Variants in SPATC1L observed in about 807,000 individuals in gnomAD.
The protein encoded by SPATC1L is speriolin-like protein.
Under a neutral mutation model 21.2 loss-of-function variants are expected in SPATC1L, and 20 were observed. The ratio of observed to expected loss-of-function variants is 0.94; its 90% CI spans 0.66 to 1.37. The LOEUF (loss-of-function observed/expected upper bound fraction) is 1.37. SPATC1L is among the 40% of genes most tolerant of loss of function. The pLI is 0.00. For missense variants in SPATC1L, 499 were observed against 478.7 expected (o/e 1.04, Z -0.40); for synonymous variants, 290 against 234.5 (o/e 1.24, Z -2.16).
At position 46,161,391 on chromosome 21, in the gene SPATC1L, G is replaced by A. The variant is rs758007206; in HGVS notation, c.1011C>T (p.Leu337=). The A allele has an allele frequency of 1.3e-6, 2 of 1,520,616 alleles. No individual in the cohort carries two copies. The highest frequency in any genetic ancestry group is 1.3e-5 in the South Asian group (1 of 79,498). The allele number at this position is 1,520,616 out of a possible 1,614,324, so 94.2% of individuals were successfully genotyped here. The change falls in exon 5 of 5, where the codon CTC becomes CTT. Residue 337 remains leucine, a synonymous_variant. Transcript: ENST00000291672. ...GGCGCGGGGCGGCTCACCAGGCGAA[G>A]AGGGGCTTGCCGTCCTCCTTGGAGA... ...CELSKEDGKP[L]FAW
At chr21:46,178,904 A>C (rs1334440375) in intron 2 of SPATC1L, among the ~76,000 whole-genome samples, 1 of 150,988 alleles carries the variant, frequency 6.6e-6, no homozygotes, top group Non-Finnish European at 1.5e-5. Flanking sequence ...AACAAACAAA[A>C]AACCATTTAC....
chr21:46,175,968 T>C (rs886795365), intron 2 of SPATC1L, among the ~76,000 whole-genome samples: 3 of 152,158 alleles, frequency 2.0e-5, no homozygotes, highest in African/African-American at 7.2e-5. Flanking sequence ...CACAATCAAA[T>C]AGGTTTTATC....
intron 2 of SPATC1L, among the ~76,000 whole-genome samples, chr21:46,180,242 G>A (rs943038448): frequency 6.6e-6 from 1 of 152,196 alleles, no homozygotes; most frequent in Non-Finnish European, 1.5e-5. Flanking sequence ...GGGGAATGCC[G>A]CGAAATGGAT....
intron 3 of SPATC1L, among the ~76,000 whole-genome samples, chr21:46,164,807 A>G (rs1360140171): frequency 6.6e-6 from 1 of 151,576 alleles, no homozygotes; most frequent in Non-Finnish European, 1.5e-5. Context: ...AAAAAAAAAA[A>G]AAAAGAATCA....
chr21:46,173,462 T>C (rs1395578221), intron 2 of SPATC1L, among the ~76,000 whole-genome samples: 2 of 151,930 alleles, frequency 1.3e-5, no homozygotes, highest in East Asian at 3.9e-4. Context: ...TGGGTTTTGA[T>C]TTCCTTCCCC....
intron 2 of SPATC1L, among the ~76,000 whole-genome samples, chr21:46,174,038 A>C (rs2079611496): frequency 6.6e-6 from 1 of 152,192 alleles, no homozygotes. Context: ...CCTCAAGGTC[A>C]TCAAACAGAC....
intron 2 of SPATC1L, among the ~76,000 whole-genome samples, chr21:46,170,373 G>T (rs2079577441): frequency 8.0e-6 from 1 of 124,954 alleles, no homozygotes; most frequent in Non-Finnish European, 1.6e-5. Context: ...CTCCTGCTCT[G>T]TGAGCATCCT....
chr21:46,170,652 A>G (rs368202046), intron 2 of SPATC1L, among the ~76,000 whole-genome samples: 2 of 118,870 alleles, frequency 1.7e-5, no homozygotes, highest in African/African-American at 3.8e-5. Context: ...TGCTCTGTGA[A>G]CATCCTCTGT....
Position 46,182,988 on chromosome 21 carries a change from G to T in SPATC1L, c.-172C>A. ...TGATGAGGTGCCCAGCACCCTGCCT[G>T]CCCCCGCGATGGCTCATGGCCCCGT... On this transcript the variant is annotated 5_prime_UTR_variant, in exon 2 of 5. Transcript: ENST00000291672. 1 of 701,954 alleles carries T rather than the reference G, an allele frequency of 1.4e-6. No individual in the cohort carries two copies. Among genetic ancestry groups the T allele is most frequent in the Non-Finnish European group, 2.2e-6 (1 of 452,432 alleles). The allele number at this position is 701,954 out of a possible 1,614,324, so 43.5% of individuals were successfully genotyped here.
At chr21:46,164,458 T>C (rs2079525627) in intron 3 of SPATC1L, among the ~76,000 whole-genome samples, 1 of 152,002 alleles carries the variant, frequency 6.6e-6, no homozygotes, top group African/African-American at 2.4e-5. Flanking sequence ...GAAGAGCAGG[T>C]GTAATCTCCT....
At chr21:46,165,370 AGAT>A (rs2079532762) in intron 3 of SPATC1L, among the ~76,000 whole-genome samples, 1 of 152,244 alleles carries the variant, frequency 6.6e-6, no homozygotes. Flanking sequence ...TGGACTGAAA[AGAT>A]GCTGATTTAT....
In SPATC1L at chr21:46,183,007, G is replaced by A. The variant is rs1224274854; in HGVS notation, c.-191C>T. ...CTGCCTGCCCCCGCGATGGCTCATGGCCCCGTTGAGGCAGTGAAGCTGGAG... is the reference window on the plus strand; with the variant it reads ...CTGCCTGCCCCCGCGATGGCTCATGACCCCGTTGAGGCAGTGAAGCTGGAG... On this transcript the variant is annotated 5_prime_UTR_variant, in exon 2 of 5. Coordinates refer to ENST00000291672, the MANE Select transcript of SPATC1L (RefSeq NM_001142854.2). 1 of 586,738 alleles carries A rather than the reference G, an allele frequency of 1.7e-6. No individual in the cohort carries two copies. Among genetic ancestry groups the A allele is most frequent in the Non-Finnish European group, 2.8e-6 (1 of 353,946 alleles). 36.3% of individuals were successfully genotyped at this position (586,738 alleles called of 1,614,324 possible).
chr21:46,161,778 A>G, intron 4 of SPATC1L, 73 bp from the exon 5 acceptor site: 1 of 1,485,186 alleles, frequency 6.7e-7, no homozygotes, highest in Non-Finnish European at 8.9e-7. Context: ...CCCAGGGCCG[A>G]TCCCTGCCCC....
chr21:46,183,393 AGTGGGAGGAGACCAGCATGT>A lies in SPATC1L; in HGVS notation c.-597_-578del. The A allele has an allele frequency of 5.8e-6, 1 of 171,662 alleles. No individual in the cohort carries two copies. The highest frequency in any genetic ancestry group is 1.2e-5 in the Non-Finnish European group (1 of 84,946). The allele number at this position is 171,662 out of a possible 1,614,324, so 10.6% of individuals were successfully genotyped here. A position where few individuals can be genotyped will look rare whatever the true frequency, so the allele number is the denominator to read the frequency against. On this transcript the variant is annotated 5_prime_UTR_variant, in exon 2 of 5. An upstream start codon of the reference 5' UTR is lost. Transcript: ENST00000291672. ...TGAGGAGGGAGGGACTGGCAAGGGC[AGTGGGAGGAGACCAGCATGT>A]GGGGGAGACCAGCCTGGTGGGGAGA...
At chr21:46,177,121 G>A (rs2079638660) in intron 2 of SPATC1L, among the ~76,000 whole-genome samples, 2 of 152,170 alleles carry the variant, frequency 1.3e-5, no homozygotes. Context: ...ACTCAATATG[G>A]ATTATAGACT....
At chr21:46,167,580 C>T (rs188355484) in intron 3 of SPATC1L, among the ~76,000 whole-genome samples, 1 of 152,102 alleles carries the variant, frequency 6.6e-6, no homozygotes, top group Non-Finnish European at 1.5e-5. Flanking sequence ...TTTGGGAGGC[C>T]GAGGCAGGCG....
chr21:46,181,403 G>T (rs1464640962), intron 2 of SPATC1L, among the ~76,000 whole-genome samples: 4 of 152,182 alleles, frequency 2.6e-5, no homozygotes, highest in African/African-American at 9.6e-5. Context: ...TCCCTGCGAG[G>T]AGCCCCTGCC....
chr21:46,173,454 G>C (rs771399687), intron 2 of SPATC1L, among the ~76,000 whole-genome samples: 1 of 152,070 alleles, frequency 6.6e-6, no homozygotes, highest in Non-Finnish European at 1.5e-5. Context: ...TGCACAGGTG[G>C]GTTTTGATTT....
Position 46,161,954 on chromosome 21 carries a change from C to T in SPATC1L, c.658G>A (p.Gly220Ser), listed in dbSNP as rs553044509. ...TCGGGGATGTTGGCCACCGTGAAGC[C>T]GTAGAGCCGCGTCACGCCCGGGAAC... ...YVFPGVTRLY[G>S]FTVANIPEKI... is the part of the protein sequence containing the mutation. Residue 220 changes from glycine (G) to serine (S), a missense_variant, in exon 4 of 5, where the codon GGC (glycine) becomes AGC (serine). Coordinates refer to ENST00000291672, the MANE Select transcript of SPATC1L (RefSeq NM_001142854.2). 3.7e-6 allele frequency: 6 copies of T among 1,608,100 alleles called. No individual in the cohort carries two copies. The highest frequency in any genetic ancestry group is 1.7e-5 in the Admixed American group (1 of 59,928).
Sources: gnomAD v4.1 joint callset for allele counts (sites outside exome capture counted in the v4.1 genomes callset) on GRCh38, gnomAD v4.1.1 for gene constraint, MANE v1.5 for transcripts, NCBI Gene and HGNC (gene_info 2026-07-23, HGNC 2026-07-21) for gene names.